MAP4: variants seen among roughly 807,000 people sequenced by gnomAD.
MAP4 encodes microtubule-associated protein 4.
In MAP4, 76 loss-of-function variants were observed where a neutral mutation model predicts 170.2. The observed-to-expected ratio is 0.45, with a 90% CI of 0.37 to 0.54. The LOEUF (loss-of-function observed/expected upper bound fraction) is 0.54, where lower values mean the gene tolerates loss of function less well. Among genes scored for constraint, MAP4 ranks in the 20% least tolerant of loss-of-function variants. The probability of loss-of-function intolerance (pLI) is 0.00; values close to 1 mark genes in which losing one functional copy is unlikely to be tolerated. For missense variants in MAP4, 2,506 were observed against 2,748.0 expected, an observed-to-expected ratio of 0.91 and a Z score of 1.97; for synonymous variants, 909 against 994.5, an observed-to-expected ratio of 0.91 and a Z score of 1.62.
intron 3 of MAP4, among the ~76,000 whole-genome samples, chr3:47,951,743 C>G (rs1409828882): frequency 1.3e-5 from 2 of 151,334 alleles, no homozygotes; most frequent in African/African-American, 4.9e-5. Flanking sequence ...CCCAAAGTGC[C>G]GAGATTGCAG....
intron 1 of MAP4, among the ~76,000 whole-genome samples, chr3:48,007,054 C>G (rs1008538350): frequency 1.3e-5 from 2 of 152,246 alleles, no homozygotes; most frequent in African/African-American, 4.8e-5. Flanking sequence ...GTGTCATAAT[C>G]TTATTTGGAG....
At chr3:48,085,794 C>G (rs921826693) in intron 1 of MAP4, among the ~76,000 whole-genome samples, 1 of 151,978 alleles carries the variant, frequency 6.6e-6, no homozygotes, top group Admixed American at 6.6e-5. Flanking sequence ...CGGTGGCTCA[C>G]GCCTGTAATC....
chr3:47,890,732 G>T (rs563888902), intron 10 of MAP4, among the ~76,000 whole-genome samples: 1 of 152,100 alleles, frequency 6.6e-6, no homozygotes, highest in East Asian at 1.9e-4. Context: ...AAGAAAGGGG[G>T]TCTAGTTTTT....
intron 4 of MAP4, among the ~76,000 whole-genome samples, chr3:47,925,442 A>C (rs990041763): frequency 6.6e-6 from 1 of 152,166 alleles, no homozygotes; most frequent in Non-Finnish European, 1.5e-5. Context: ...GTGAGCCCAG[A>C]CTGTGCCACT....
chr3:47,991,872 T>C (rs1476726715), intron 2 of MAP4, among the ~76,000 whole-genome samples: 1 of 151,986 alleles, frequency 6.6e-6, no homozygotes, highest in African/African-American at 2.4e-5. Context: ...GGTTTCACCA[T>C]GTTAGCCAGG....
intron 10 of MAP4, among the ~76,000 whole-genome samples, chr3:47,885,927 G>A (rs1468848014): frequency 6.6e-6 from 1 of 152,012 alleles, no homozygotes; most frequent in South Asian, 2.1e-4. Flanking sequence ...TTGGGGTTTC[G>A]CTGTGTTAGC....
At chr3:48,064,243 T>C (rs896497342) in intron 1 of MAP4, among the ~76,000 whole-genome samples, 1 of 152,192 alleles carries the variant, frequency 6.6e-6, no homozygotes, top group African/African-American at 2.4e-5. Flanking sequence ...ATCATTATTG[T>C]AAAACCCAAG....
intron 13 of MAP4, 127 bp from the exon 14 acceptor site, chr3:47,871,413 T>G: frequency 1.3e-6 from 1 of 787,808 alleles, no homozygotes; most frequent in Non-Finnish European, 2.2e-6. Context: ...ACTGTGTTAG[T>G]CCCTGGGAAT....
intron 1 of MAP4, among the ~76,000 whole-genome samples, chr3:48,050,335 C>T (rs2100127024): frequency 1.3e-5 from 2 of 150,898 alleles, no homozygotes; most frequent in Admixed American, 1.3e-4. Context: ...ATGTACTACA[C>T]AATGGATTAA....
chr3:47,983,097 T>A (rs932422815), intron 2 of MAP4, among the ~76,000 whole-genome samples: 1 of 151,982 alleles, frequency 6.6e-6, no homozygotes, highest in Non-Finnish European at 1.5e-5. Context: ...TAGAGACAGG[T>A]TTTCACCATA....
intron 10 of MAP4, among the ~76,000 whole-genome samples, chr3:47,884,595 T>A (rs188547820): frequency 5.9e-5 from 9 of 152,296 alleles, no homozygotes; most frequent in African/African-American, 1.9e-4. Context: ...TAATCCCTTT[T>A]GGTACTGCCT....
chr3:47,916,151 G>C lies in MAP4; in HGVS notation c.1676C>G (p.Ala559Gly). ...VPALKTEAPLAKDGVLTLANN... is the reference protein window; with the variant it reads ...VPALKTEAPLGKDGVLTLANN... ...GGCCAGGGTCAGAACCCCATCCTTA[G>C]CCAGGGGTGCTTCTGTTTTGAGGGC... The change falls in exon 7 of 21, where the codon GCT becomes GGT. Residue 559 changes from alanine to glycine, a missense_variant. By Grantham distance (60) the Ala-to-Gly change is moderately conservative (BLOSUM62 0). Transcript: ENST00000683076. The C allele has an allele frequency of 1.2e-6, 2 of 1,614,200 alleles. No homozygotes were observed. The highest frequency in any genetic ancestry group is 2.2e-5 in the East Asian group (1 of 44,882).
At chr3:47,964,598 G>A (rs1559623889) in intron 3 of MAP4, among the ~76,000 whole-genome samples, 2 of 152,072 alleles carry the variant, frequency 1.3e-5, no homozygotes, top group East Asian at 1.9e-4. Flanking sequence ...TTTCAAGCTC[G>A]AATTTCAAAT....
intron 11 of MAP4, among the ~76,000 whole-genome samples, chr3:47,876,459 C>G (rs758329692): frequency 6.6e-6 from 1 of 152,164 alleles, no homozygotes; most frequent in African/African-American, 2.4e-5. Flanking sequence ...GATAGTGGCA[C>G]AAATTCTGGC....
chr3:48,053,580 C>T (rs2100129035), intron 1 of MAP4, among the ~76,000 whole-genome samples: 1 of 152,082 alleles, frequency 6.6e-6, no homozygotes, highest in Non-Finnish European at 1.5e-5. Context: ...CCCAAATACC[C>T]AGTGTTTCTA....
intron 1 of MAP4, among the ~76,000 whole-genome samples, chr3:48,071,677 C>T (rs1386326695): frequency 6.6e-6 from 1 of 152,120 alleles, no homozygotes; most frequent in African/African-American, 2.4e-5. Context: ...GTAACTCCAG[C>T]ACTTTGGGAG....
intron 1 of MAP4, among the ~76,000 whole-genome samples, chr3:48,024,074 G>A (rs2100111878): frequency 1.3e-5 from 2 of 152,228 alleles, no homozygotes; most frequent in South Asian, 2.1e-4. Flanking sequence ...CACTTGGGGA[G>A]GCCGAGGCAG....
intron 2 of MAP4, among the ~76,000 whole-genome samples, chr3:47,982,521 T>C (rs2100086003): frequency 6.6e-6 from 1 of 152,168 alleles, no homozygotes; most frequent in South Asian, 2.1e-4. Flanking sequence ...TAACTTATTT[T>C]TATGTGGCAA....
chr3:47,998,531 T>C, intron 2 of MAP4, 107 bp downstream of exon 2: 1 of 838,228 alleles, frequency 1.2e-6, no homozygotes, highest in Non-Finnish European at 1.9e-6. Context: ...GTTACTAGCC[T>C]ACACTAAAAA....
Sources: allele counts gnomAD v4.1 joint callset (sites outside exome capture counted in the v4.1 genomes callset), GRCh38; gene constraint gnomAD v4.1.1; transcripts MANE v1.5; gene names NCBI Gene and HGNC (gene_info 2026-07-23, HGNC 2026-07-21).